The following FRY variants were observed in gnomAD, a reference collection of about 807,000 sequenced individuals.
The protein encoded by FRY is protein furry homolog.
FRY carries 128 observed loss-of-function variants against 348.4 expected under a neutral mutation model. The observed-to-expected ratio is 0.37, with a 90% confidence interval of 0.32 to 0.43. FRY has a LOEUF of 0.43. FRY is among the 20% of genes least tolerant of loss of function. FRY has a pLI of 1.00. For missense variants in FRY, 2,736 were observed against 3,695.2 expected, an observed-to-expected ratio of 0.74 and a Z score of 6.73; for synonymous variants, 1,370 against 1,374.7, an observed-to-expected ratio of 1.00 and a Z score of 0.08.
chr13:32,195,846 A>C (rs1883642330), intron 29 of FRY, among the ~76,000 whole-genome samples: 1 of 152,178 alleles, frequency 6.6e-6, no homozygotes, highest in Non-Finnish European at 1.5e-5. Flanking sequence ...ATCTATTCTG[A>C]AGGAAGGGCA....
chr13:32,275,591 T>A (rs1313716735), intron 56 of FRY, among the ~76,000 whole-genome samples: 2 of 152,230 alleles, frequency 1.3e-5, no homozygotes, highest in Non-Finnish European at 2.9e-5. Context: ...CTTTGACAGC[T>A]GTGCATATAT....
At chr13:32,061,450 A>C (rs1304354225) in intron 1 of FRY, among the ~76,000 whole-genome samples, 1 of 152,236 alleles carries the variant, frequency 6.6e-6, no homozygotes, top group African/African-American at 2.4e-5. Flanking sequence ...CTTTCACTAA[A>C]AGATTTGGTA....
intron 31 of FRY, among the ~76,000 whole-genome samples, chr13:32,203,162 A>T (rs1420317232): frequency 6.6e-6 from 1 of 152,210 alleles, no homozygotes; most frequent in African/African-American, 2.4e-5. Context: ...TATATATATA[A>T]ATTTCCCAAA....
intron 59 of FRY, among the ~76,000 whole-genome samples, chr13:32,292,871 A>T (rs1295370667): frequency 6.6e-6 from 1 of 152,066 alleles, no homozygotes; most frequent in Non-Finnish European, 1.5e-5. Context: ...TGCCCCAATC[A>T]CCCCAACCTT....
chr13:32,253,586 TA>T (rs1251076305), intron 50 of FRY, among the ~76,000 whole-genome samples: 3 of 152,356 alleles, frequency 2.0e-5, no homozygotes, highest in Admixed American at 1.3e-4. Context: ...AAGTTAATCT[TA>T]AAACATTAAC....
In FRY at chr13:32,225,780, T is replaced by C; in HGVS notation, c.5021-9T>C. Reference sequence around the variant, plus strand: ...TTGTTTATACTTAGATTCTACTGTTTTGTTCCAGGTTTAGACCACTACCGG... The same window carrying C: ...TTGTTTATACTTAGATTCTACTGTTCTGTTCCAGGTTTAGACCACTACCGG... On this transcript the variant is annotated splice_polypyrimidine_tract_variant and intron_variant, in intron 38 of 60. Transcript: ENST00000542859. 6.2e-7 allele frequency: 1 copy of C among 1,608,774 alleles called. No homozygotes were observed. The highest frequency in any genetic ancestry group is 1.3e-5 in the African/African-American group (1 of 74,946).
At chr13:32,093,578 CTTG>C (rs983644574) in intron 2 of FRY, among the ~76,000 whole-genome samples, 9 of 152,146 alleles carry the variant, frequency 5.9e-5, no homozygotes, top group African/African-American at 2.2e-4. Context: ...CAGGTTTGAG[CTTG>C]TTGTTTGTTT....
At chr13:32,092,504 G>A (rs946035784) in intron 2 of FRY, among the ~76,000 whole-genome samples, 3 of 152,222 alleles carry the variant, frequency 2.0e-5, no homozygotes, top group Non-Finnish European at 4.4e-5. Context: ...TTCTTAGTTA[G>A]ATGTGGACAC....
Position 32,239,887 on chromosome 13 carries a change from C to CTTTTTTTTTTTTTTTTTTTTT in FRY, c.6687+17_6687+18insTTTTTTTTTTTTTTTTTTTTT. On this transcript the variant is annotated splice_region_variant and intron_variant, in intron 46 of 60. Transcript: ENST00000542859. This position sits in a 1 kb window ranked among gnomAD's most constrained non-coding sequence, Gnocchi z 4.3. ...TGGTTACCTACCTGGCAGAGGTAAG[C>CTTTTTTTTTTTTTTTTTTTTT]TTTTTTTTTTTGTTTTTTGAGACAG... is the stretch of plus-strand genomic sequence containing the variant. 1 of 1,260,070 alleles carries CTTTTTTTTTTTTTTTTTTTTT rather than the reference C, an allele frequency of 7.9e-7. No homozygotes were observed. Among genetic ancestry groups the CTTTTTTTTTTTTTTTTTTTTT allele is most frequent in the Non-Finnish European group, 1.1e-6 (1 of 909,008 alleles). 78.1% of individuals were successfully genotyped at this position (1,260,070 alleles called of 1,614,324 possible).
intron 3 of FRY, among the ~76,000 whole-genome samples, chr13:32,104,693 C>T (rs923013589): frequency 4.6e-5 from 7 of 152,118 alleles, no homozygotes; most frequent in Non-Finnish European, 8.8e-5. Flanking sequence ...AATCTCTCCT[C>T]GAATTGTAGC....
chr13:32,167,734 G>A (rs1881821654), intron 17 of FRY, among the ~76,000 whole-genome samples: 1 of 152,212 alleles, frequency 6.6e-6, no homozygotes, highest in Non-Finnish European at 1.5e-5. Flanking sequence ...AAAAACGGTG[G>A]CTTGTTATCT....
chr13:32,165,476 A>G (rs888372870), intron 17 of FRY, among the ~76,000 whole-genome samples: 1 of 151,480 alleles, frequency 6.6e-6, no homozygotes, highest in Non-Finnish European at 1.5e-5. Context: ...ATAGCCTCCA[A>G]GGAGAAATTT....
chr13:32,035,026 G>A (rs1872438860), intron 1 of FRY, among the ~76,000 whole-genome samples: 1 of 152,128 alleles, frequency 6.6e-6, no homozygotes, highest in Non-Finnish European at 1.5e-5. Flanking sequence ...AAAAATAATG[G>A]GTACCTCATA....
intron 4 of FRY, among the ~76,000 whole-genome samples, chr13:32,121,972 G>A (rs1878686820): frequency 6.6e-6 from 1 of 152,154 alleles, no homozygotes; most frequent in African/African-American, 2.4e-5. Flanking sequence ...GAGAGATGAA[G>A]ATCTAGTTTC....
intron 43 of FRY, among the ~76,000 whole-genome samples, chr13:32,236,390 C>T (rs1224817574): frequency 1.3e-5 from 2 of 151,852 alleles, no homozygotes; most frequent in East Asian, 3.9e-4. Context: ...TATTTTAAAA[C>T]ATCAGGAAGA....
intron 3 of FRY, among the ~76,000 whole-genome samples, chr13:32,110,605 T>C (rs1400437162): frequency 6.6e-6 from 1 of 152,080 alleles, no homozygotes; most frequent in Non-Finnish European, 1.5e-5. Context: ...TTCTAGCTGA[T>C]GAATGAAGTC....
At chr13:32,281,898 C>T (rs1888823252) in intron 58 of FRY, among the ~76,000 whole-genome samples, 1 of 152,208 alleles carries the variant, frequency 6.6e-6, no homozygotes, top group African/African-American at 2.4e-5. Context: ...ACTGTGCATG[C>T]AGCTCAAACC....
chr13:32,275,034 A>G lies in FRY; in HGVS notation c.8286+43A>G, dbSNP rs767989934. On this transcript the variant is annotated intron_variant, in intron 56 of 60. Transcript: ENST00000542859. ...GCTCTGACAGTGAAGGGCCTACGCA[A>G]CCTACAGTGCAGAACTTCAGGGTAG... 3.2e-6 allele frequency: 5 copies of G among 1,557,664 alleles called. No homozygotes were observed. The South Asian group carries it at 4.4e-5, about 14-fold the overall frequency.
chr13:32,144,020 G>A (rs1459064174), intron 11 of FRY, among the ~76,000 whole-genome samples: 1 of 152,102 alleles, frequency 6.6e-6, no homozygotes, highest in Non-Finnish European at 1.5e-5. Context: ...TGTGGAGTCT[G>A]CTTTTAACCA....
Sources: allele counts gnomAD v4.1 joint callset (sites outside exome capture counted in the v4.1 genomes callset), GRCh38; gene constraint gnomAD v4.1.1; non-coding constraint Gnocchi (gnomAD v3.1); transcripts MANE v1.5; gene names NCBI Gene and HGNC (gene_info 2026-07-23, HGNC 2026-07-21).